Variants in SAXO1 observed in about 807,000 individuals in gnomAD.
SAXO1 encodes the protein stabilizer of axonemal microtubules 1.
SAXO1 carries 21 observed loss-of-function variants against 17.5 expected under a neutral mutation model. The observed-to-expected ratio is 1.20, with a 90% CI of 0.85 to 1.72. The LOEUF (loss-of-function observed/expected upper bound fraction) is 1.72. Among genes scored for constraint, SAXO1 ranks in the 40% most tolerant of loss-of-function variants. The pLI, the probability that SAXO1 is intolerant of heterozygous loss-of-function variation, is 0.00. For synonymous variants in SAXO1, 274 were observed against 216.5 expected (o/e 1.27, Z -2.33); for missense variants, 843 against 596.0 (o/e 1.41, Z -4.32).
chr9:18,970,784 A>C (rs908395377), intron 1 of SAXO1, among the ~76,000 whole-genome samples: 3 of 152,118 alleles, frequency 2.0e-5, no homozygotes, highest in Non-Finnish European at 4.4e-5. Flanking sequence ...ACATGGATGG[A>C]ATTATTGGAA....
In SAXO1 at chr9:18,928,185, G is replaced by C; in HGVS notation, c.1292C>G (p.Thr431Ser). 1 of 1,614,196 alleles carries C rather than the reference G, an allele frequency of 6.2e-7. No individual in the cohort carries two copies. Among genetic ancestry groups the C allele is most frequent in the Non-Finnish European group, 8.5e-7 (1 of 1,180,042 alleles). Residue 431 changes from threonine to serine, a missense_variant, in exon 4 of 4, where the codon ACC (threonine) becomes AGC (serine). Coordinates refer to ENST00000380534, the MANE Select transcript of SAXO1 (RefSeq NM_153707.4). ...LASYPEPPGY[T>S]FEEVDALGHR... ...ACCCAAAGCATCCACTTCCTCAAAG[G>C]TGTAGCCAGGAGGCTCAGGATATGA...
chr9:19,033,266 C>A (rs893996772), upstream of SAXO1: 1 of 253,098 alleles, frequency 4.0e-6, no homozygotes, highest in Non-Finnish European at 7.5e-6. Context: ...GTCGCCAGGG[C>A]CAGGAGGGGC....
At chr9:18,989,698 AC>A (rs1563964981) in intron 1 of SAXO1, among the ~76,000 whole-genome samples, 2 of 152,102 alleles carry the variant, frequency 1.3e-5, no homozygotes, top group African/African-American at 4.8e-5. Context: ...CATCAAATTC[AC>A]TTCAGACCAT....
chr9:18,937,035 T>C (rs1424427439), intron 3 of SAXO1, among the ~76,000 whole-genome samples: 1 of 152,270 alleles, frequency 6.6e-6, no homozygotes, highest in Non-Finnish European at 1.5e-5. Context: ...CTTTGGTTTC[T>C]CTTTGGGTGG....
chr9:18,989,411 G>A (rs1833717926), intron 1 of SAXO1, among the ~76,000 whole-genome samples: 1 of 152,150 alleles, frequency 6.6e-6, no homozygotes, highest in African/African-American at 2.4e-5. Flanking sequence ...GTATATTGAT[G>A]TTATCTGAAG....
chr9:19,035,265 G>A (rs1353880446), upstream of SAXO1, among the ~76,000 whole-genome samples: 2 of 152,122 alleles, frequency 1.3e-5, no homozygotes, highest in East Asian at 3.9e-4. Context: ...CATGGGGGCG[G>A]TTTCCCCCAT....
At chr9:18,997,955 T>A (rs891165573) in intron 1 of SAXO1, among the ~76,000 whole-genome samples, 1 of 152,070 alleles carries the variant, frequency 6.6e-6, no homozygotes, top group Non-Finnish European at 1.5e-5. Flanking sequence ...CAAAACCCCA[T>A]CTGTAGGTCA....
At chr9:18,960,198 T>C (rs997178580) in intron 1 of SAXO1, among the ~76,000 whole-genome samples, 1 of 152,116 alleles carries the variant, frequency 6.6e-6, no homozygotes, top group African/African-American at 2.4e-5. Flanking sequence ...TTCAAGAAGG[T>C]ACAATTGGTG....
At chr9:19,039,415 T>C (rs965908956) in intron 1 of SAXO1, among the ~76,000 whole-genome samples, 3 of 152,218 alleles carry the variant, frequency 2.0e-5, no homozygotes, top group African/African-American at 2.4e-5. Context: ...TTTATGTGTA[T>C]GATGTGATTT....
intron 1 of SAXO1, among the ~76,000 whole-genome samples, chr9:18,996,505 A>G (rs1469968975): frequency 6.6e-6 from 1 of 152,262 alleles, no homozygotes; most frequent in African/African-American, 2.4e-5. Flanking sequence ...CAAAACGTGC[A>G]GTGAAAATAC....
chr9:18,932,336 A>C (rs1831089872), intron 3 of SAXO1, among the ~76,000 whole-genome samples: 1 of 152,240 alleles, frequency 6.6e-6, no homozygotes. Flanking sequence ...AGTTAACGAC[A>C]ATAGACATAA....
intron 1 of SAXO1, among the ~76,000 whole-genome samples, chr9:19,016,185 C>A (rs529295604): frequency 2.0e-4 from 31 of 152,252 alleles, no homozygotes; most frequent in Admixed American, 3.3e-4. Context: ...CCTGTAATCC[C>A]AGCACTTTGG....
At chr9:19,012,417 T>C (rs970228612) in intron 1 of SAXO1, among the ~76,000 whole-genome samples, 1 of 152,246 alleles carries the variant, frequency 6.6e-6, no homozygotes, top group Non-Finnish European at 1.5e-5. Flanking sequence ...TAATCTGTAA[T>C]AGACAACTGT....
In SAXO1 at chr9:18,927,973, T is replaced by G; in HGVS notation, c.*79A>C. 7.0e-7 allele frequency: 1 copy of G among 1,434,854 alleles called. No homozygotes were observed. The highest frequency in any genetic ancestry group is 9.3e-7 in the Non-Finnish European group (1 of 1,078,938). The allele number at this position is 1,434,854 out of a possible 1,614,324, so 88.9% of individuals were successfully genotyped here. The stretch of plus-strand genomic sequence containing the variant: ...TTTGTTTTTTGTCATTTTAGGGAAT[T>G]CTTTTTTGTCCAACAAATAATTCTC... On this transcript the variant is annotated 3_prime_UTR_variant, in exon 4 of 4. Transcript: ENST00000380534.
chr9:18,996,119 T>A (rs1478150134), intron 1 of SAXO1, among the ~76,000 whole-genome samples: 1 of 151,878 alleles, frequency 6.6e-6, no homozygotes, highest in African/African-American at 2.4e-5. Context: ...TATATAAATG[T>A]CCAAACATAT....
chr9:19,040,947 C>G (rs2131070262), intron 1 of SAXO1, among the ~76,000 whole-genome samples: 1 of 149,892 alleles, frequency 6.7e-6, no homozygotes, highest in East Asian at 1.9e-4. Context: ...AAAAATCTTG[C>G]AAAAATTCCC....
chr9:19,034,020 G>C (rs745355875), upstream of SAXO1, among the ~76,000 whole-genome samples: 2 of 152,080 alleles, frequency 1.3e-5, no homozygotes, highest in African/African-American at 2.4e-5. Flanking sequence ...CCTCTAGTCC[G>C]GGAATCTAGC....
intron 1 of SAXO1, among the ~76,000 whole-genome samples, chr9:18,963,676 C>T (rs1027289659): frequency 4.6e-5 from 7 of 152,128 alleles, no homozygotes; most frequent in Non-Finnish European, 8.8e-5. Context: ...TGCTTATAAG[C>T]TTAAAGAGTT....
At chr9:18,982,589 G>A (rs1452612560) in intron 1 of SAXO1, among the ~76,000 whole-genome samples, 1 of 152,170 alleles carries the variant, frequency 6.6e-6, no homozygotes, top group Non-Finnish European at 1.5e-5. Context: ...CTTTCCTTCT[G>A]GTGACTTTGT....
Sources: gnomAD v4.1 joint callset for allele counts (sites outside exome capture counted in the v4.1 genomes callset) on GRCh38, gnomAD v4.1.1 for gene constraint, MANE v1.5 for transcripts, NCBI Gene and HGNC (gene_info 2026-07-23, HGNC 2026-07-21) for gene names.